The following AP3D1 variants were observed in gnomAD, a reference collection of about 807,000 sequenced individuals.
AP3D1 encodes AP-3 complex subunit delta-1.
Under a neutral mutation model 147.6 loss-of-function variants are expected in AP3D1, and 51 were observed. The observed-to-expected ratio is 0.35, with a 90% CI of 0.28 to 0.44. The LOEUF is 0.44. AP3D1 is among the 20% of genes least tolerant of loss of function. AP3D1 has a pLI of 1.00. For missense variants in AP3D1, 1,421 were observed against 1,624.2 expected (o/e 0.87, Z 2.15); for synonymous variants, 760 against 663.0 (o/e 1.15, Z -2.25).
At chr19:2,108,914 G>A (rs2018186067) in intron 30 of AP3D1, 148 bp from the exon 31 acceptor site, 1 of 1,304,078 alleles carries the variant, frequency 7.7e-7, no homozygotes, top group Non-Finnish European at 1.0e-6. Context: ...GGCCTGGGGT[G>A]TGGGGAATGC....
At chr19:2,125,635 T>C (rs2018732742) in intron 9 of AP3D1, among the ~76,000 whole-genome samples, 1 of 152,066 alleles carries the variant, frequency 6.6e-6, no homozygotes, top group East Asian at 1.9e-4. Context: ...GTTATGTGAA[T>C]ATAAAAGTAG....
chr19:2,102,862 C>T (rs1308707229), intron 31 of AP3D1, among the ~76,000 whole-genome samples: 1 of 152,142 alleles, frequency 6.6e-6, no homozygotes, highest in African/African-American at 2.4e-5. Context: ...GCAGGAGACT[C>T]TCTTGAACCC....
intron 1 of AP3D1, among the ~76,000 whole-genome samples, chr19:2,161,422 A>G (rs2019697571): frequency 6.6e-6 from 1 of 151,796 alleles, no homozygotes; most frequent in Non-Finnish European, 1.5e-5. Flanking sequence ...TCAGCCTCCC[A>G]AAGTGCTGGG....
chr19:2,121,171 G>C lies in AP3D1; in HGVS notation c.1242C>G (p.Asn414Lys). 6.2e-7 allele frequency: 1 copy of C among 1,614,190 alleles called. No individual in the cohort carries two copies. Among genetic ancestry groups the C allele is most frequent in the Non-Finnish European group, 8.5e-7 (1 of 1,180,022 alleles). ...CSQSNYQYIT[N>K]FEWYISILVE... ...CTGGGAGCGGGACGCACCACTCGAA[G>C]TTGGTGATGTACTGGTAGTTGGACT... Residue 414 changes from asparagine to lysine, a missense_variant, in exon 13 of 32, where the codon AAC becomes AAG. Physicochemically the swap from Asn to Lys is moderately conservative, Grantham distance 94 (BLOSUM62 0). Around this residue, in one of 6 missense-constraint regions of AP3D1, gnomAD observed 310 missense variants for 388.1 expected, o/e 0.80. Coordinates refer to ENST00000643116, the MANE Select transcript of AP3D1 (RefSeq NM_001261826.3).
At position 2,120,864 on chromosome 19, in the gene AP3D1, T is replaced by G; in HGVS notation, c.1479A>C (p.Ser493=). 6.2e-7 allele frequency: 1 copy of G among 1,607,352 alleles called. No individual in the cohort carries two copies. The highest frequency in any genetic ancestry group is 8.5e-7 in the Non-Finnish European group (1 of 1,179,126). ...CCAGAGGCCCAGCGCCCACTCACTCTGAGAACTCCCCGCAGATCCAGGCGG... is the reference window on the plus strand; with the variant it reads ...CCAGAGGCCCAGCGCCCACTCACTCGGAGAACTCCCCGCAGATCCAGGCGG... ...YAAAWICGEF[S]EHLQEPHHTL... Residue 493 remains serine, a splice_region_variant and synonymous_variant, in exon 14 of 32, where the codon TCA becomes TCC. Coordinates refer to ENST00000643116, the MANE Select transcript of AP3D1 (RefSeq NM_001261826.3).
intron 1 of AP3D1, among the ~76,000 whole-genome samples, chr19:2,148,039 C>T (rs184360303): frequency 1.8e-3 from 266 of 149,440 alleles, no homozygotes; most frequent in African/African-American, 6.1e-3. Context: ...GGCGTGGTGG[C>T]GGGAGGCTGA....
At chr19:2,110,304 C>G in intron 27 of AP3D1, 80 bp from the exon 28 acceptor site, 2 of 1,201,846 alleles carry the variant, frequency 1.7e-6, no homozygotes, top group Non-Finnish European at 2.4e-6. Flanking sequence ...TGTCCTCAGT[C>G]CCAAGTCCTC....
chr19:2,147,392 T>C (rs1437818139), intron 1 of AP3D1, among the ~76,000 whole-genome samples: 1 of 144,920 alleles, frequency 6.9e-6, no homozygotes, highest in African/African-American at 2.5e-5. Context: ...AGTTCAAATT[T>C]AATCTCTTTA....
upstream of AP3D1, among the ~76,000 whole-genome samples, chr19:2,154,748 G>C (rs1161140424): frequency 1.3e-5 from 2 of 152,250 alleles, no homozygotes; most frequent in Non-Finnish European, 2.9e-5. Context: ...AAGCTACAGA[G>C]AGACCAAGAC....
chr19:2,130,376 T>C lies in AP3D1; in HGVS notation c.592+32A>G, dbSNP rs781081157. The C allele has an allele frequency of 1.9e-6, 3 of 1,613,016 alleles. No individual in the cohort carries two copies. The East Asian group carries it at 6.7e-5, about 36-fold the overall frequency. ...CAGGGCACCGGCTGAGCCCCCACCC[T>C]CAACCCTGAGGCTTAACTCAAATCC... On this transcript the variant is annotated intron_variant, in intron 6 of 31. Coordinates refer to ENST00000643116, the MANE Select transcript of AP3D1 (RefSeq NM_001261826.3).
chr19:2,157,522 A>AACCC (rs1372718543), intron 1 of AP3D1, among the ~76,000 whole-genome samples: 2 of 146,212 alleles, frequency 1.4e-5, no homozygotes, highest in Non-Finnish European at 3.0e-5. Flanking sequence ...CCCATACAGT[A>AACCC]ACCCATCCAT....
intron 20 of AP3D1, 89 bp downstream of exon 20, chr19:2,115,130 C>G: frequency 7.3e-7 from 1 of 1,376,596 alleles, no homozygotes; most frequent in Non-Finnish European, 1.0e-6. Flanking sequence ...CCAACGAAGA[C>G]CATGGGGAGA....
chr19:2,154,286 C>CT (rs35367011), upstream of AP3D1, among the ~76,000 whole-genome samples: 201 of 138,220 alleles, frequency 1.5e-3, 2 homozygotes, highest in Middle Eastern at 0.015. Context: ...TTTTTTTTTT[C>CT]TTTTTTTTTT....
At chr19:2,144,692 C>T (rs777008694) in intron 1 of AP3D1, among the ~76,000 whole-genome samples, 2 of 152,156 alleles carry the variant, frequency 1.3e-5, no homozygotes, top group African/African-American at 2.4e-5. Flanking sequence ...CACTTGAGGT[C>T]AGGGGTTTGA....
chr19:2,113,626 G>C (rs2018350483), intron 22 of AP3D1, among the ~76,000 whole-genome samples: 1 of 152,230 alleles, frequency 6.6e-6, no homozygotes, highest in Non-Finnish European at 1.5e-5. Context: ...AGAGGGCCGG[G>C]GACAAAGCTG....
At chr19:2,117,435 G>A (rs934970182) in intron 15 of AP3D1, 68 bp from the exon 16 acceptor site, 120 of 1,477,890 alleles carry the variant, frequency 8.1e-5, no homozygotes, top group Non-Finnish European at 1.0e-4. Context: ...TCAGGGACAC[G>A]GGGTGGCTCA....
Position 2,127,259 on chromosome 19 carries a change from G to C in AP3D1, c.807-58C>G, listed in dbSNP as rs570948413. 10 of 1,584,574 alleles carry C rather than the reference G, an allele frequency of 6.3e-6. No individual in the cohort carries two copies. The African/African-American group carries it at 1.1e-4, about 17-fold the overall frequency. On this transcript the variant is annotated intron_variant, in intron 8 of 31. Transcript: ENST00000643116. Reference sequence around the variant, plus strand: ...GACTGGGGGCCTCGTCAGATGCAGTGACCCAGTGCCGGCAGCTCAGCTGGA... The same window carrying C: ...GACTGGGGGCCTCGTCAGATGCAGTCACCCAGTGCCGGCAGCTCAGCTGGA...
intron 1 of AP3D1, among the ~76,000 whole-genome samples, chr19:2,147,936 C>T (rs867523649): frequency 6.6e-5 from 10 of 151,250 alleles, no homozygotes; most frequent in South Asian, 2.1e-4. Context: ...TGTAATCCAG[C>T]ACTTTGGGAG....
chr19:2,147,361 A>AG (rs945774377), intron 1 of AP3D1, among the ~76,000 whole-genome samples: 4 of 149,032 alleles, frequency 2.7e-5, no homozygotes, highest in African/African-American at 9.8e-5. Flanking sequence ...AAAAAAAAAA[A>AG]AAAGAAAAGA....
Sources: gnomAD v4.1 joint callset for allele counts (sites outside exome capture counted in the v4.1 genomes callset) on GRCh38, gnomAD v4.1.1 for gene constraint, gnomAD v4.1.1 regional missense constraint, MANE v1.5 for transcripts, NCBI Gene and HGNC (gene_info 2026-07-23, HGNC 2026-07-21) for gene names.